Variants in PIGA observed in about 807,000 individuals in gnomAD.
PIGA encodes phosphatidylinositol glycan anchor biosynthesis class A.
In PIGA, 3 loss-of-function variants were observed where a neutral mutation model predicts 17.1. The observed-to-expected ratio is 0.18, with a 90% CI of 0.08 to 0.45. The LOEUF (loss-of-function observed/expected upper bound fraction) is 0.45, where lower values mean the gene tolerates loss of function less well. Ranked by LOEUF, PIGA falls within the 20% of genes least tolerant of loss-of-function variation. PIGA has a pLI of 0.99. For synonymous variants in PIGA, 126 were observed against 135.1 expected (o/e 0.93, Z 0.47); for missense variants, 231 against 374.1 (o/e 0.62, Z 3.16).
chrX:15,331,113 C>A, intron 2 of PIGA, 103 bp downstream of exon 2: 1 of 546,311 alleles, frequency 1.8e-6, no homozygotes. Flanking sequence ...ATTATAAAAC[C>A]ATAAAACAAA....
In PIGA at chrX:15,331,902, C is replaced by T. The variant is rs1602212448; in HGVS notation, c.29G>A (p.Gly10Asp). The T allele has an allele frequency of 8.3e-7, 1 of 1,206,183 alleles. No homozygotes were observed. The highest frequency in any genetic ancestry group is 1.1e-6 in the Non-Finnish European group (1 of 891,682). Reference sequence around the variant, plus strand: ...AGAGAGTGTAGCTGAGGCACGGTGGCCATTCCCAGCTCCTCCTCTACAGGC... The same window carrying T: ...AGAGAGTGTAGCTGAGGCACGGTGGTCATTCCCAGCTCCTCCTCTACAGGC... MACRGGAGN[G>D]HRASATLSRV... Residue 10 changes from glycine (G) to aspartate (D), a missense_variant, in exon 2 of 6, where the codon GGC (glycine) becomes GAC (aspartate). Coordinates refer to ENST00000333590, the MANE Select transcript of PIGA (RefSeq NM_002641.4).
intron 1 of PIGA, among the ~76,000 whole-genome samples, chrX:15,333,457 G>A (rs147912228): frequency 0.03 from 3,371 of 111,638 alleles, 45 homozygotes; most frequent in Non-Finnish European, 0.037. Context: ...GAGGTGGGTG[G>A]ATCACCTGAG....
intron 1 of PIGA, among the ~76,000 whole-genome samples, chrX:15,334,349 C>A (rs1251834101): frequency 9.1e-6 from 1 of 109,666 alleles, no homozygotes; most frequent in East Asian, 2.8e-4. Flanking sequence ...CACCACAAGC[C>A]CAGCTAATTT....
chrX:15,334,584 T>TC (rs1210892509), intron 1 of PIGA, among the ~76,000 whole-genome samples: 1 of 111,784 alleles, frequency 8.9e-6, no homozygotes, highest in Non-Finnish European at 1.9e-5. Context: ...ATATTGAAAT[T>TC]CCCCAAGTTT....
chrX:15,324,565 T>C (rs974666678), intron 5 of PIGA, 100 bp downstream of exon 5: 14 of 616,789 alleles, frequency 2.3e-5, no homozygotes, highest in Admixed American at 5.8e-5. Context: ...ACTTAAGCAA[T>C]AGAACAAAAA....
chrX:15,323,184 C>A (rs1921866856), intron 5 of PIGA, among the ~76,000 whole-genome samples: 1 of 111,644 alleles, frequency 9.0e-6, no homozygotes, highest in African/African-American at 3.3e-5. Context: ...GCTGACAAAC[C>A]GTCACCACAG....
At chrX:15,324,279 G>T (rs906711651) in intron 5 of PIGA, among the ~76,000 whole-genome samples, 1 of 112,309 alleles carries the variant, frequency 8.9e-6, no homozygotes, top group Non-Finnish European at 1.9e-5. Context: ...TTATAAAGTT[G>T]CTGCAATCAG....
Position 15,331,499 on chromosome X carries a change from T to C in PIGA, c.432A>G (p.Thr144=), listed in dbSNP as rs1242698408. ...CCGTGAAGACTGTCTGAAGCCCCAT[T>C]GTCTTGGCGTGGAAGAGAGCATCAT... is the stretch of plus-strand genomic sequence containing the variant. ...MAHDALFHAK[T]MGLQTVFTDH... Residue 144 remains threonine (T), a synonymous_variant, in exon 2 of 6, where the codon ACA becomes ACG. Coordinates refer to ENST00000333590, the MANE Select transcript of PIGA (RefSeq NM_002641.4). The C allele has an allele frequency of 8.3e-7, 1 of 1,211,840 alleles. No homozygotes were observed. Among genetic ancestry groups the C allele is most frequent in the Non-Finnish European group, 1.1e-6 (1 of 895,490 alleles).
At chrX:15,326,345 T>C (rs1298496457) in intron 2 of PIGA, 1 of 134,041 alleles carries the variant, frequency 7.5e-6, no homozygotes, top group Non-Finnish European at 1.5e-5. Context: ...TGTTTATACA[T>C]TGCGTACTTC....
Position 15,331,702 on chromosome X carries a change from G to A in PIGA, c.229C>T (p.Arg77Ter). 8.3e-7 allele frequency: 1 copy of A among 1,211,880 alleles called. No individual in the cohort carries two copies. ...VIIVTHAYGN[R>*]KGIRYLTSGL... ...CTGGTGAGGTAACGGATGCCTTTTC[G>A]ATTTCCATAAGCATGGGTGACAATT... The change falls in exon 2 of 6, where the codon CGA becomes TGA. Residue 77 changes from arginine (R) to a stop codon, truncating the protein, a stop_gained. Coordinates refer to ENST00000333590, the MANE Select transcript of PIGA (RefSeq NM_002641.4). LOFTEE classifies it high-confidence loss of function.
Position 15,326,008 on chromosome X carries a change from G to A in PIGA, c.754C>T (p.Gln252Ter). 1 of 1,169,467 alleles carries A rather than the reference G, an allele frequency of 8.6e-7. No homozygotes were observed. The change falls in exon 3 of 6, where the codon CAG becomes TAG. Residue 252 changes from glutamine (Q) to a stop codon, truncating the protein, a stop_gained. Transcript: ENST00000333590. LOFTEE classifies it high-confidence loss of function. ...ATGAAATTTAAATCTGGATATTTCTGACAGAGTTCAGGTATTATACCACTA... is the reference window on the plus strand; with the variant it reads ...ATGAAATTTAAATCTGGATATTTCTAACAGAGTTCAGGTATTATACCACTA... ...LLSGIIPELC[Q>*]KYPDLNFIIG...
In PIGA at chrX:15,325,051, G is replaced by A. The variant is rs201873136; in HGVS notation, c.950C>T (p.Ala317Val). 3.3e-6 allele frequency: 4 copies of A among 1,203,591 alleles called. No individual in the cohort carries two copies. The highest frequency in any genetic ancestry group is 3.0e-5 in the East Asian group (1 of 33,733). The change falls in exon 4 of 6, where the codon GCG (alanine) becomes GTG (valine). Residue 317 changes from alanine (A) to valine (V), a missense_variant. By Grantham distance (64) the Ala-to-Val change is moderately conservative. Transcript: ENST00000333590. ...NTSLTEAFCMAIVEAASCGLQ... is the reference protein window; with the variant it reads ...NTSLTEAFCMVIVEAASCGLQ... ...ACCACAACTGGCTGCTTCCACGATC[G>A]CCATGCAGAATGCTTCAGTAAGGGA...
chrX:15,321,780 G>A lies in PIGA; in HGVS notation c.1189-8C>T, dbSNP rs1238403891. ...TGATACCCGGTCATATACCTGGAGG[G>A]AGAGAAGCCAAGTGTGAGCACTTTC... On this transcript the variant is annotated splice_region_variant and splice_polypyrimidine_tract_variant and intron_variant, in intron 5 of 5. Coordinates refer to ENST00000333590, the MANE Select transcript of PIGA (RefSeq NM_002641.4). The A allele has an allele frequency of 8.3e-7, 1 of 1,204,900 alleles. No homozygotes were observed. Among genetic ancestry groups the A allele is most frequent in the African/African-American group, 1.7e-5 (1 of 57,719 alleles).
At position 15,333,073 on chromosome X, in the gene PIGA, T is replaced by A. The variant is rs778249480; in HGVS notation, c.-62-1081A>T. Among the ~76,000 whole-genome samples the A allele has an allele frequency of 6.3e-5, 7 of 111,888 alleles. No homozygotes were observed. The South Asian group carries it at 2.2e-3, about 36-fold the overall frequency. On this transcript the variant is annotated intron_variant, in intron 1 of 5. Coordinates refer to ENST00000333590, the MANE Select transcript of PIGA (RefSeq NM_002641.4). ...TGGTCCACTGCCTGTTTTTGTAAAG[T>A]TTTATAGGCTCATAGGTGTGCCCAT...
intron 2 of PIGA, chrX:15,327,519 T>G (rs1005548758): frequency 1.0e-4 from 11 of 107,227 alleles, no homozygotes; most frequent in Non-Finnish European, 1.9e-4. Context: ...ACTTTCAAAC[T>G]GTTATTGTAT....
At chrX:15,328,999 A>C (rs1476791918) in intron 2 of PIGA, 2 of 112,607 alleles carry the variant, frequency 1.8e-5, no homozygotes, top group Non-Finnish European at 3.7e-5. Flanking sequence ...AAAGCATGTC[A>C]TTGCCTTCAA....
chrX:15,335,479 G>A (rs1922310556), intron 1 of PIGA, 22 bp downstream of exon 1: 3 of 987,171 alleles, frequency 3.0e-6, no homozygotes, highest in Admixed American at 5.1e-5. Flanking sequence ...CGCTGGAGAG[G>A]GGCGGCGCGA....
intron 5 of PIGA, among the ~76,000 whole-genome samples, chrX:15,323,702 G>A (rs181021689): frequency 3.6e-5 from 4 of 111,867 alleles, no homozygotes; most frequent in Admixed American, 2.8e-4. Context: ...CTTATATACT[G>A]GAATTCATCA....
intron 1 of PIGA, among the ~76,000 whole-genome samples, chrX:15,334,185 CTTTTTTTTT>C (rs35688150): frequency 1.4e-4 from 9 of 62,944 alleles, no homozygotes; most frequent in African/African-American, 5.9e-4. Flanking sequence ...AATTCATCTA[CTTTTTTTTT>C]TTTTTTTTTT....
Sources: allele counts gnomAD v4.1 joint callset (sites outside exome capture counted in the v4.1 genomes callset), GRCh38; gene constraint gnomAD v4.1.1; transcripts MANE v1.5; gene names NCBI Gene and HGNC (gene_info 2026-07-23, HGNC 2026-07-21).